NRXN1: variants seen among roughly 807,000 people sequenced by gnomAD.
NRXN1 encodes the protein neurexin-1.
A neutral mutation model predicts 150.9 loss-of-function variants in NRXN1; 39 were observed. The observed-to-expected ratio is 0.26, with a 90% CI of 0.20 to 0.34. The LOEUF is 0.34. NRXN1 is among the 10% of genes least tolerant of loss of function. NRXN1 has a pLI of 1.00. For missense variants in NRXN1, 1,815 were observed against 1,949.9 expected (o/e 0.93, Z 1.30); for synonymous variants, 924 against 757.0 (o/e 1.22, Z -3.62).
chr2:50,576,073 T>C (rs1306017892), intron 8 of NRXN1, among the ~76,000 whole-genome samples: 4 of 152,144 alleles, frequency 2.6e-5, no homozygotes, highest in Admixed American at 2.0e-4. Flanking sequence ...TGATTATTAC[T>C]AGTATTTACC....
intron 22 of NRXN1, among the ~76,000 whole-genome samples, chr2:49,928,930 C>G (rs1468132680): frequency 6.6e-6 from 1 of 152,138 alleles, no homozygotes; most frequent in Non-Finnish European, 1.5e-5. Flanking sequence ...GAGGACATGT[C>G]TGACACATCT....
chr2:50,552,805 T>C lies in NRXN1; in HGVS notation c.1541A>G (p.Asn514Ser), dbSNP rs770389634. 17 of 1,613,970 alleles carry C rather than the reference T, an allele frequency of 1.1e-5. No homozygotes were observed. Among genetic ancestry groups the C allele is most frequent in the African/African-American group, 1.3e-5 (1 of 75,042 alleles). The part of the protein sequence containing the change: ...ISFDFRTTEP[N>S]GLILFSHGKP... ...GCCATGGCTAAATAAGATGAGGCCA[T>C]TTGGCTCTGTTGTACGGAAATCAAA... The change falls in exon 9 of 23, where the codon AAT (asparagine) becomes AGT (serine). Residue 514 changes from asparagine to serine, a missense_variant. Asn to Ser is a conservative substitution (Grantham distance 46). Around this residue, in one of 6 missense-constraint regions of NRXN1, gnomAD observed 638 missense variants for 652.6 expected, o/e 0.98. Coordinates refer to ENST00000401669, the MANE Select transcript of NRXN1 (RefSeq NM_001330078.2).
intron 17 of NRXN1, among the ~76,000 whole-genome samples, chr2:50,324,643 G>A (rs1052263892): frequency 2.6e-4 from 40 of 152,322 alleles, no homozygotes; most frequent in Admixed American, 1.2e-3. Context: ...CCGGGTTCAC[G>A]CCATTCTCCT....
intron 15 of NRXN1, among the ~76,000 whole-genome samples, chr2:50,486,880 G>A (rs1170451139): frequency 6.6e-6 from 1 of 152,052 alleles, no homozygotes; most frequent in Non-Finnish European, 1.5e-5. Context: ...ATGAACCCTT[G>A]AGCATCAAAG....
chr2:50,922,514 G>GA (rs1686193028), intron 4 of NRXN1, 144 bp downstream of exon 4: 1 of 840,642 alleles, frequency 1.2e-6, no homozygotes, highest in Non-Finnish European at 2.0e-6. Flanking sequence ...AAAAACACAT[G>GA]AAAAAATGTG....
intron 8 of NRXN1, among the ~76,000 whole-genome samples, chr2:50,591,651 C>T (rs548169974): frequency 6.6e-5 from 10 of 152,058 alleles, no homozygotes; most frequent in Non-Finnish European, 1.5e-4. Flanking sequence ...TGATTCTGTC[C>T]GGTTTCAGTG....
At chr2:50,824,455 A>T (rs148553762) in intron 5 of NRXN1, among the ~76,000 whole-genome samples, 1 of 151,962 alleles carries the variant, frequency 6.6e-6, no homozygotes, top group African/African-American at 2.4e-5. Context: ...ATGCCTAAAA[A>T]GACTACCATT....
At chr2:50,153,239 T>G (rs1328259980) in intron 18 of NRXN1, among the ~76,000 whole-genome samples, 1 of 151,704 alleles carries the variant, frequency 6.6e-6, no homozygotes. Context: ...ATTCATAGTT[T>G]TTTTCTTAAT....
At chr2:50,788,339 G>A (rs1316096768) in intron 5 of NRXN1, among the ~76,000 whole-genome samples, 11 of 151,918 alleles carry the variant, frequency 7.2e-5, no homozygotes, top group East Asian at 1.9e-4. Flanking sequence ...CCGCCGCCTC[G>A]GCCTCCTAAA....
At chr2:50,750,162 T>C (rs979892061) in intron 5 of NRXN1, among the ~76,000 whole-genome samples, 3 of 151,936 alleles carry the variant, frequency 2.0e-5, no homozygotes, top group African/African-American at 7.2e-5. Flanking sequence ...ATAATAATAA[T>C]GGATGATAAC....
intron 17 of NRXN1, among the ~76,000 whole-genome samples, chr2:50,463,616 T>G (rs1211121047): frequency 6.6e-6 from 1 of 151,762 alleles, no homozygotes. Flanking sequence ...AAAATAGTTT[T>G]CTGTAAAAAT....
intron 5 of NRXN1, among the ~76,000 whole-genome samples, chr2:50,894,032 T>G (rs1450024950): frequency 6.6e-6 from 1 of 151,978 alleles, no homozygotes; most frequent in Admixed American, 6.6e-5. Flanking sequence ...TTCCAAGTCT[T>G]TGCTATTGTG....
chr2:50,361,426 G>C (rs1553495195), intron 17 of NRXN1, among the ~76,000 whole-genome samples: 1 of 151,858 alleles, frequency 6.6e-6, no homozygotes, highest in Non-Finnish European at 1.5e-5. Context: ...AATGATAAAG[G>C]GGATATCACC....
intron 17 of NRXN1, among the ~76,000 whole-genome samples, chr2:50,369,389 G>C (rs1416998076): frequency 6.6e-6 from 1 of 151,922 alleles, no homozygotes; most frequent in African/African-American, 2.4e-5. Context: ...TACTCTGTTT[G>C]ATCATAAGTA....
At chr2:50,593,916 A>T (rs1042855522) in intron 8 of NRXN1, among the ~76,000 whole-genome samples, 7 of 152,310 alleles carry the variant, frequency 4.6e-5, no homozygotes, top group Admixed American at 6.5e-5. Context: ...GAAAAGGTAT[A>T]AAAAAAGGTA....
At chr2:50,433,887 T>C (rs2085190276) in intron 17 of NRXN1, among the ~76,000 whole-genome samples, 1 of 152,012 alleles carries the variant, frequency 6.6e-6, no homozygotes, top group African/African-American at 2.4e-5. Context: ...TTTGCTTTTT[T>C]TCTCTCTTGG....
chr2:50,404,944 A>G (rs1439138532), intron 17 of NRXN1, among the ~76,000 whole-genome samples: 1 of 152,038 alleles, frequency 6.6e-6, no homozygotes, highest in African/African-American at 2.4e-5. Flanking sequence ...TAGGCTCTTT[A>G]TATTGACACA....
intron 5 of NRXN1, chr2:50,917,022 G>C (rs916540851): frequency 6.6e-6 from 1 of 151,696 alleles, no homozygotes; most frequent in Non-Finnish European, 1.5e-5. Context: ...GTACTGTATA[G>C]ATAAAAGTAG....
intron 21 of NRXN1, among the ~76,000 whole-genome samples, chr2:49,961,632 T>G (rs1344853770): frequency 1.3e-5 from 2 of 152,212 alleles, no homozygotes; most frequent in Non-Finnish European, 2.9e-5. Context: ...TGAAAAATAT[T>G]CAGTGAAATT....
Sources: gnomAD v4.1 joint callset for allele counts (sites outside exome capture counted in the v4.1 genomes callset) on GRCh38, gnomAD v4.1.1 for gene constraint, gnomAD v4.1.1 regional missense constraint, MANE v1.5 for transcripts, NCBI Gene and HGNC (gene_info 2026-07-23, HGNC 2026-07-21) for gene names.